Variants in GPC5 observed in about 807,000 individuals in gnomAD.
GPC5 encodes the protein glypican 5, also known as glypican-5.
A neutral mutation model predicts 53.9 loss-of-function variants in GPC5; 47 were observed. The observed-to-expected ratio is 0.87, with a 90% confidence interval of 0.69 to 1.11. GPC5 has a LOEUF of 1.11. Among genes scored for constraint, GPC5 ranks in the 50% most tolerant of loss-of-function variants. The pLI is 0.00. For synonymous variants in GPC5, 286 were observed against 263.3 expected (o/e 1.09, Z -0.84); for missense variants, 748 against 713.1 (o/e 1.05, Z -0.56).
At position 91,693,549 on chromosome 13, in the gene GPC5, A is replaced by G; in HGVS notation, c.688A>G (p.Asn230Asp). 1 of 1,614,072 alleles carries G rather than the reference A, an allele frequency of 6.2e-7. No individual in the cohort carries two copies. Among genetic ancestry groups the G allele is most frequent in the African/African-American group, 1.3e-5 (1 of 75,026 alleles). ...CAGCCGCACTTTTCTGCAGGCACTC[A>G]ATCTGGGCATTGAAGTCATCAACAC... ...LPSRTFLQALNLGIEVINTTD... is the reference protein window; with the variant it reads ...LPSRTFLQALDLGIEVINTTD... Residue 230 changes from asparagine (N) to aspartate (D), a missense_variant, in exon 3 of 8, where the codon AAT becomes GAT. Physicochemically the swap from Asn to Asp is conservative, Grantham distance 23. Coordinates refer to ENST00000377067, the MANE Select transcript of GPC5 (RefSeq NM_004466.6).
At chr13:91,626,669 T>TTA (rs966933009) in intron 2 of GPC5, among the ~76,000 whole-genome samples, 1 of 151,814 alleles carries the variant, frequency 6.6e-6, no homozygotes, top group Admixed American at 6.6e-5. Context: ...TTTTATTTGT[T>TTA]TATATATATA....
At chr13:92,711,358 G>T (rs1013201432) in intron 7 of GPC5, among the ~76,000 whole-genome samples, 1 of 152,026 alleles carries the variant, frequency 6.6e-6, no homozygotes, top group African/African-American at 2.4e-5. Context: ...TGTCATGGCT[G>T]GTTGGTACAC....
chr13:92,769,962 T>C (rs1225804600), intron 7 of GPC5, among the ~76,000 whole-genome samples: 1 of 152,226 alleles, frequency 6.6e-6, no homozygotes, highest in Non-Finnish European at 1.5e-5. Flanking sequence ...CCCAAGACCT[T>C]GTACATATAA....
chr13:91,838,002 A>G (rs938497509), intron 5 of GPC5, among the ~76,000 whole-genome samples: 10 of 152,170 alleles, frequency 6.6e-5, no homozygotes, highest in African/African-American at 2.2e-4. Flanking sequence ...GAAAATGGAG[A>G]GAACAGCATT....
intron 7 of GPC5, among the ~76,000 whole-genome samples, chr13:92,619,555 G>A (rs1884803955): frequency 1.3e-5 from 2 of 151,848 alleles, no homozygotes; most frequent in South Asian, 4.1e-4. Flanking sequence ...AAGATGATAA[G>A]ATTTTTCTCT....
At chr13:91,902,843 G>T (rs555945328) in intron 5 of GPC5, among the ~76,000 whole-genome samples, 1 of 151,908 alleles carries the variant, frequency 6.6e-6, no homozygotes, top group African/African-American at 2.4e-5. Flanking sequence ...ACTTAATGAC[G>T]ACAGACCACT....
chr13:91,416,007 G>T (rs989099572), intron 1 of GPC5, among the ~76,000 whole-genome samples: 1 of 152,144 alleles, frequency 6.6e-6, no homozygotes, highest in Admixed American at 6.5e-5. Flanking sequence ...AACTATCACA[G>T]TGTCTTGTAC....
At chr13:91,630,143 A>G (rs1286646605) in intron 2 of GPC5, among the ~76,000 whole-genome samples, 6 of 152,210 alleles carry the variant, frequency 3.9e-5, no homozygotes, top group Admixed American at 3.9e-4. Context: ...TAGGGACTGT[A>G]TTAATATTCA....
At chr13:91,879,834 A>T (rs2039245087) in intron 5 of GPC5, among the ~76,000 whole-genome samples, 1 of 152,196 alleles carries the variant, frequency 6.6e-6, no homozygotes, top group Admixed American at 6.5e-5. Context: ...TTTCTATGCC[A>T]AATCATTGGG....
intron 7 of GPC5, among the ~76,000 whole-genome samples, chr13:92,786,166 G>A (rs980690723): frequency 2.6e-5 from 4 of 152,116 alleles, no homozygotes; most frequent in African/African-American, 7.2e-5. Context: ...CTAAGCCACG[G>A]CTCTTTACAT....
intron 7 of GPC5, chr13:92,448,348 G>C (rs1382649916): frequency 6.6e-6 from 1 of 151,990 alleles, no homozygotes; most frequent in Non-Finnish European, 1.5e-5. Context: ...GCAAATGAAT[G>C]ACTCATTTTA....
At chr13:91,423,013 A>G (rs1878753678) in intron 1 of GPC5, among the ~76,000 whole-genome samples, 1 of 152,104 alleles carries the variant, frequency 6.6e-6, no homozygotes, top group Admixed American at 6.6e-5. Flanking sequence ...GCAAAAAAGT[A>G]CCTCCTTAAC....
chr13:92,093,900 G>C (rs559212773), intron 6 of GPC5, among the ~76,000 whole-genome samples: 1 of 152,276 alleles, frequency 6.6e-6, no homozygotes, highest in East Asian at 1.9e-4. Context: ...GAAAGAATAA[G>C]AATGAGTCAA....
chr13:91,810,741 A>T (rs767158597), intron 5 of GPC5, among the ~76,000 whole-genome samples: 1 of 151,946 alleles, frequency 6.6e-6, no homozygotes, highest in Non-Finnish European at 1.5e-5. Context: ...ATTTTAAATC[A>T]TTACTTTAGT....
At chr13:92,426,993 G>T (rs1019479791) in intron 7 of GPC5, among the ~76,000 whole-genome samples, 2 of 151,940 alleles carry the variant, frequency 1.3e-5, no homozygotes, top group Non-Finnish European at 2.9e-5. Context: ...CTGTTCTTCT[G>T]ACCATTACAT....
intron 6 of GPC5, among the ~76,000 whole-genome samples, chr13:92,105,662 A>C (rs2041503988): frequency 6.6e-6 from 1 of 152,042 alleles, no homozygotes; most frequent in Admixed American, 6.6e-5. Context: ...CTGTGTATTA[A>C]GTGAGATGGT....
At chr13:92,603,569 A>G (rs370590807) in intron 7 of GPC5, among the ~76,000 whole-genome samples, 5 of 152,200 alleles carry the variant, frequency 3.3e-5, no homozygotes, top group Admixed American at 2.6e-4. Flanking sequence ...GCACAACACA[A>G]CTTGCCTAAG....
intron 6 of GPC5, among the ~76,000 whole-genome samples, chr13:92,026,910 G>GATTC (rs1477630996): frequency 2.0e-5 from 3 of 152,092 alleles, no homozygotes; most frequent in African/African-American, 7.2e-5. Flanking sequence ...GATTTGTTTT[G>GATTC]ATTCCATGGG....
At chr13:92,218,989 A>T (rs1317891241) in intron 7 of GPC5, among the ~76,000 whole-genome samples, 2 of 152,170 alleles carry the variant, frequency 1.3e-5, no homozygotes, top group Non-Finnish European at 2.9e-5. Context: ...CGTTAAAGGA[A>T]GTGTGCTCAT....
Sources: gnomAD v4.1 joint callset for allele counts (sites outside exome capture counted in the v4.1 genomes callset) on GRCh38, gnomAD v4.1.1 for gene constraint, MANE v1.5 for transcripts, NCBI Gene and HGNC (gene_info 2026-07-23, HGNC 2026-07-21) for gene names.